Variants in SHB observed in about 807,000 individuals in gnomAD.
SHB encodes SH2 domain-containing adapter protein B.
Under a neutral mutation model 52.3 loss-of-function variants are expected in SHB, and 20 were observed. The ratio of observed to expected loss-of-function variants is 0.38; its 90% confidence interval spans 0.27 to 0.56. The LOEUF (loss-of-function observed/expected upper bound fraction) is 0.56. SHB is among the 20% of genes least tolerant of loss of function. SHB has a pLI of 0.71. For synonymous variants in SHB, 397 were observed against 316.5 expected, an observed-to-expected ratio of 1.25 and a Z score of -2.70; for missense variants, 825 against 723.3, an observed-to-expected ratio of 1.14 and a Z score of -1.61.
intron 1 of SHB, among the ~76,000 whole-genome samples, chr9:38,060,047 G>C (rs1229272923): frequency 2.0e-5 from 3 of 152,222 alleles, no homozygotes; most frequent in African/African-American, 7.2e-5. Flanking sequence ...AAATAAGGCA[G>C]AGATGATAAA....
intron 5 of SHB, among the ~76,000 whole-genome samples, chr9:37,947,365 T>C: frequency 6.6e-6 from 1 of 152,232 alleles, no homozygotes; most frequent in Non-Finnish European, 1.5e-5. Context: ...TGATCTGCTC[T>C]GGCTATTAGG....
intron 1 of SHB, among the ~76,000 whole-genome samples, chr9:38,023,950 G>A (rs751842733): frequency 2.0e-4 from 31 of 152,172 alleles, no homozygotes; most frequent in Non-Finnish European, 2.5e-4. Flanking sequence ...TTATAGGCAC[G>A]CCAATAAATC....
intron 1 of SHB, among the ~76,000 whole-genome samples, chr9:38,057,975 T>C (rs1395816993): frequency 6.6e-6 from 1 of 151,558 alleles, no homozygotes; most frequent in African/African-American, 2.4e-5. Context: ...CCATGCAACA[T>C]AGCAGGTGGC....
intron 2 of SHB, among the ~76,000 whole-genome samples, chr9:37,989,041 ATT>A (rs5897709): frequency 3.1e-3 from 461 of 150,052 alleles, no homozygotes; most frequent in African/African-American, 0.01. Flanking sequence ...CACATGATCC[ATT>A]TTTTTTTTTA....
chr9:38,027,781 C>A (rs919893734), intron 1 of SHB, among the ~76,000 whole-genome samples: 5 of 151,932 alleles, frequency 3.3e-5, no homozygotes, highest in African/African-American at 1.2e-4. Context: ...TTCCTATGTT[C>A]TAGAAAAGCC....
At chr9:38,046,456 T>A (rs1042450624) in intron 1 of SHB, among the ~76,000 whole-genome samples, 1 of 152,056 alleles carries the variant, frequency 6.6e-6, no homozygotes, top group African/African-American at 2.4e-5. Flanking sequence ...GAGGGCAATA[T>A]ACTGATGCTC....
rs567251358 is a variant in SHB, at chr9:38,025,256, C to T, written c.718-9125G>A. Among the ~76,000 whole-genome samples, 8 of 152,300 alleles carry T rather than the reference C, an allele frequency of 5.3e-5. 1 individual carries two copies. In the South Asian group the frequency reaches 1.7e-3, roughly 32 times the overall value. ...GCCAGGCTGGGTCCCCATGGAGCCA[C>T]TGACTTAGCCGCCCCTCATTCTCCC... On this transcript the variant is annotated intron_variant, in intron 1 of 5. Transcript: ENST00000377707.
chr9:37,990,538 T>TA (rs373858085), intron 2 of SHB, among the ~76,000 whole-genome samples: 5 of 151,874 alleles, frequency 3.3e-5, no homozygotes, highest in South Asian at 2.1e-4. Context: ...AACAAATGTT[T>TA]AAAAAAAAAT....
chr9:38,009,295 G>C (rs1261682407), intron 2 of SHB, among the ~76,000 whole-genome samples: 1 of 152,228 alleles, frequency 6.6e-6, no homozygotes, highest in Non-Finnish European at 1.5e-5. Flanking sequence ...GCCACATGGA[G>C]GTGGCTGGGG....
intron 4 of SHB, among the ~76,000 whole-genome samples, chr9:37,952,039 G>C (rs1832572853): frequency 6.6e-6 from 1 of 152,194 alleles, no homozygotes; most frequent in East Asian, 1.9e-4. Flanking sequence ...GGATTAGGGA[G>C]ACTCAACTAT....
At chr9:37,987,751 G>A (rs1412356413) in intron 2 of SHB, among the ~76,000 whole-genome samples, 8 of 152,152 alleles carry the variant, frequency 5.3e-5, no homozygotes, top group South Asian at 2.1e-4. Flanking sequence ...GTGGTATCAC[G>A]AGGAAGAGAG....
intron 5 of SHB, among the ~76,000 whole-genome samples, chr9:37,946,509 T>C (rs1467305900): frequency 6.6e-6 from 1 of 152,170 alleles, no homozygotes; most frequent in Non-Finnish European, 1.5e-5. Flanking sequence ...CCCTGGCACA[T>C]CCTGGATACT....
intron 1 of SHB, among the ~76,000 whole-genome samples, chr9:38,056,731 G>A (rs1053138348): frequency 4.6e-4 from 70 of 152,176 alleles, no homozygotes; most frequent in African/African-American, 1.3e-3. Flanking sequence ...GCCACATATA[G>A]AACCAAAAGG....
chr9:38,043,557 T>G (rs1434634872), intron 1 of SHB, among the ~76,000 whole-genome samples: 1 of 152,088 alleles, frequency 6.6e-6, no homozygotes, highest in Non-Finnish European at 1.5e-5. Flanking sequence ...GGGAGAGGTA[T>G]CGAGGGTCAG....
At chr9:37,950,836 C>T (rs1832558194) in intron 4 of SHB, among the ~76,000 whole-genome samples, 1 of 152,224 alleles carries the variant, frequency 6.6e-6, no homozygotes, top group Non-Finnish European at 1.5e-5. Context: ...AAAGAGATTG[C>T]CCTCGCAGAC....
At chr9:38,004,275 C>A (rs1821054143) in intron 2 of SHB, among the ~76,000 whole-genome samples, 1 of 152,196 alleles carries the variant, frequency 6.6e-6, no homozygotes, top group Non-Finnish European at 1.5e-5. Flanking sequence ...GCCAGCTGGC[C>A]TGGTTCTGCC....
Position 38,068,165 on chromosome 9 carries a change from G to C in SHB, c.481C>G (p.Leu161Val), listed in dbSNP as rs199974314. Residue 161 changes from leucine (L) to valine (V), a missense_variant, in exon 1 of 6, where the codon CTC (leucine) becomes GTC (valine). By Grantham distance (32) the Leu-to-Val change is conservative. Coordinates refer to ENST00000377707, the MANE Select transcript of SHB (RefSeq NM_003028.3). Reference sequence around the variant, plus strand: ...CGCCGCTCGCTGCTGCTGCGGTAGAGATGCGGAGAGCCGGAGGACGAGGAC... The same window carrying C: ...CGCCGCTCGCTGCTGCTGCGGTAGACATGCGGAGAGCCGGAGGACGAGGAC... ...SSSSSSGSPH[L>V]YRSSSERRPA... is the part of the protein sequence containing the mutation. 5.7e-3 allele frequency: 8,157 copies of C among 1,441,200 alleles called. 57 individuals carry two copies. The highest frequency in any genetic ancestry group is 0.02 in the South Asian group (1,328 of 67,608). The allele number at this position is 1,441,200 out of a possible 1,614,324, so 89.3% of individuals were successfully genotyped here.
intron 5 of SHB, among the ~76,000 whole-genome samples, chr9:37,944,918 G>A (rs1333623581): frequency 6.6e-6 from 1 of 152,138 alleles, no homozygotes; most frequent in Non-Finnish European, 1.5e-5. Context: ...ACCCCCCTGT[G>A]CAGACCTGTG....
intron 1 of SHB, among the ~76,000 whole-genome samples, chr9:38,062,346 C>T (rs1821905564): frequency 6.6e-6 from 1 of 152,160 alleles, no homozygotes. Context: ...ATCGAAGGCC[C>T]TAATTAATGG....
Sources: allele counts gnomAD v4.1 joint callset (sites outside exome capture counted in the v4.1 genomes callset), GRCh38; gene constraint gnomAD v4.1.1; transcripts MANE v1.5; gene names NCBI Gene and HGNC (gene_info 2026-07-23, HGNC 2026-07-21).